FMO1: variants seen among roughly 807,000 people sequenced by gnomAD.
FMO1 encodes the protein flavin-containing monooxygenase 1.
Under a neutral mutation model 45.4 loss-of-function variants are expected in FMO1, and 36 were observed. That is an observed-to-expected ratio of 0.79 (90% CI 0.61 to 1.05). The LOEUF is 1.05. Among genes scored for constraint, FMO1 ranks in the 50% least tolerant of loss-of-function variants. The pLI, the probability that FMO1 is intolerant of heterozygous loss-of-function variation, is 0.00. For synonymous variants in FMO1, 228 were observed against 227.2 expected (o/e 1.00, Z -0.03); for missense variants, 615 against 640.3 (o/e 0.96, Z 0.43).
rs1661574141 is a variant in FMO1 at position 171,285,236 on chromosome 1, G to T, written c.1291G>T (p.Asp431Tyr). The part of the protein sequence containing the change: ...GLCYCKALQS[D>Y]YITYIDELLT... ...GTGCTACTGCAAGGCTTTACAATCAGATTATATCACATACATAGATGAACT... is the reference window on the plus strand; with the variant it reads ...GTGCTACTGCAAGGCTTTACAATCATATTATATCACATACATAGATGAACT... The change falls in exon 9 of 9, where the codon GAT becomes TAT. Residue 431 changes from aspartate to tyrosine, a missense_variant. By Grantham distance (160) the Asp-to-Tyr change is radical. Transcript: ENST00000617670. 3.7e-6 allele frequency: 6 copies of T among 1,612,918 alleles called. No homozygotes were observed. Among genetic ancestry groups the T allele is most frequent in the Non-Finnish European group, 5.1e-6 (6 of 1,179,502 alleles).
chr1:171,282,572 T>A, intron 7 of FMO1: 1 of 406,048 alleles, frequency 2.5e-6, no homozygotes, highest in Non-Finnish European at 4.4e-6. Flanking sequence ...ATATAACAGT[T>A]GACATAGGCT....
chr1:171,260,804 C>T (rs2101803754), intron 2 of FMO1, among the ~76,000 whole-genome samples: 1 of 149,586 alleles, frequency 6.7e-6, no homozygotes, highest in East Asian at 2.0e-4. Context: ...GTGGCATGCA[C>T]CTGTAATCCC....
chr1:171,284,866 T>A (rs1488929545), intron 8 of FMO1, among the ~76,000 whole-genome samples: 2 of 152,088 alleles, frequency 1.3e-5, no homozygotes, highest in Non-Finnish European at 2.9e-5. Flanking sequence ...AATCATTGGA[T>A]TTGTTATTAC....
At position 171,278,735 on chromosome 1, in the gene FMO1, A is replaced by G; in HGVS notation, c.491A>G (p.Asn164Ser). The G allele has an allele frequency of 1.2e-6, 2 of 1,602,044 alleles. No homozygotes were observed. Among genetic ancestry groups the G allele is most frequent in the Non-Finnish European group, 1.7e-6 (2 of 1,171,560 alleles). The change falls in exon 5 of 9, where the codon AAT (asparagine) becomes AGT (serine). Residue 164 changes from asparagine to serine, a missense_variant. Transcript: ENST00000617670. ...YLPLDSFPGI[N>S]AFKGQYFHSR... ...TCTCTTTTATTTTCTATAGGTATTA[A>G]TGCCTTTAAAGGCCAGTACTTTCAT...
chr1:171,266,727 A>T (rs1003098726), intron 2 of FMO1, among the ~76,000 whole-genome samples: 2 of 152,228 alleles, frequency 1.3e-5, no homozygotes, highest in Non-Finnish European at 2.9e-5. Flanking sequence ...TTTCACAGGA[A>T]AAATGAACTA....
At chr1:171,270,938 C>T (rs984399300) in intron 3 of FMO1, 8 of 821,150 alleles carry the variant, frequency 9.7e-6, no homozygotes, top group South Asian at 3.0e-5. Flanking sequence ...GAAAAAAAAC[C>T]GCTAGAACCA....
intron 1 of FMO1, among the ~76,000 whole-genome samples, chr1:171,252,352 G>C (rs1161266216): frequency 7.2e-5 from 11 of 152,144 alleles, no homozygotes; most frequent in Non-Finnish European, 1.6e-4. Context: ...GCCAGGGTGG[G>C]GGTTCAGACT....
chr1:171,269,591 C>A (rs2101820008), intron 3 of FMO1, among the ~76,000 whole-genome samples: 1 of 152,276 alleles, frequency 6.6e-6, no homozygotes, highest in African/African-American at 2.4e-5. Context: ...CACTCCATCA[C>A]AAAAGCGTGT....
At chr1:171,271,259 G>T in intron 3 of FMO1, 1 of 1,102,840 alleles carries the variant, frequency 9.1e-7, no homozygotes, top group Non-Finnish European at 1.3e-6. Flanking sequence ...TTAATTTTTG[G>T]GTGATACTCA....
chr1:171,270,259 G>C (rs1215161939), intron 3 of FMO1, among the ~76,000 whole-genome samples: 2 of 152,262 alleles, frequency 1.3e-5, no homozygotes, highest in Non-Finnish European at 2.9e-5. Context: ...AATGTAAGTG[G>C]GCTATGTGAA....
intron 1 of FMO1, among the ~76,000 whole-genome samples, chr1:171,250,144 AT>A (rs1427601290): frequency 1.3e-5 from 2 of 152,254 alleles, no homozygotes; most frequent in Non-Finnish European, 2.9e-5. Flanking sequence ...TTTTTATTTC[AT>A]TCTTAATCCC....
At chr1:171,269,369 A>C (rs1276264239) in intron 3 of FMO1, among the ~76,000 whole-genome samples, 1 of 152,176 alleles carries the variant, frequency 6.6e-6, no homozygotes. Context: ...TGAACAATAA[A>C]GTCCAGGCTG....
chr1:171,277,898 C>G (rs1336001782), intron 4 of FMO1, among the ~76,000 whole-genome samples: 2 of 152,054 alleles, frequency 1.3e-5, no homozygotes, highest in Non-Finnish European at 2.9e-5. Flanking sequence ...ATGTAGAGGT[C>G]TTATTACTTT....
chr1:171,254,820 T>G (rs1001259370), intron 1 of FMO1, among the ~76,000 whole-genome samples: 2 of 152,202 alleles, frequency 1.3e-5, no homozygotes, highest in Non-Finnish European at 2.9e-5. Flanking sequence ...TCGTCTGTGT[T>G]GTTTTCCTAC....
chr1:171,265,664 A>T (rs549188959), intron 2 of FMO1, among the ~76,000 whole-genome samples: 39 of 152,350 alleles, frequency 2.6e-4, no homozygotes, highest in Admixed American at 1.5e-3. Context: ...TTTTGTATGA[A>T]ATTGCAGTTC....
chr1:171,280,810 G>A lies in FMO1; in HGVS notation c.652G>A (p.Gly218Arg), dbSNP rs1373403105. 1.2e-6 allele frequency: 2 copies of A among 1,612,928 alleles called. No homozygotes were observed. Among genetic ancestry groups the A allele is most frequent in the Non-Finnish European group, 8.5e-7 (1 of 1,179,776 alleles). The change falls in exon 6 of 9, where the codon GGA becomes AGA. Residue 218 changes from glycine (G) to arginine (R), a missense_variant. Gly to Arg is a moderately radical substitution (Grantham distance 125, BLOSUM62 -2). Transcript: ENST00000617670. ...GGTGTTCCTCAGCACCACCGGAGGGGGATGGGTGATCAGCCGAATCTTTGA... is the reference window on the plus strand; with the variant it reads ...GGTGTTCCTCAGCACCACCGGAGGGAGATGGGTGATCAGCCGAATCTTTGA... ...EKVFLSTTGG[G>R]WVISRIFDSG...
intron 2 of FMO1, among the ~76,000 whole-genome samples, chr1:171,265,012 G>A (rs1046087742): frequency 6.6e-6 from 1 of 152,166 alleles, no homozygotes; most frequent in African/African-American, 2.4e-5. Context: ...ATTAAAAGGC[G>A]CTGAGCTACA....
At chr1:171,257,987 C>T in intron 1 of FMO1, 95 bp from the exon 2 acceptor site, 1 of 1,435,630 alleles carries the variant, frequency 7.0e-7, no homozygotes, top group Non-Finnish European at 9.7e-7. Flanking sequence ...GAGCAAATCG[C>T]CTAATCTTCC....
chr1:171,253,549 G>T (rs772866491), intron 1 of FMO1, among the ~76,000 whole-genome samples: 28 of 152,116 alleles, frequency 1.8e-4, no homozygotes, highest in Admixed American at 3.3e-4. Flanking sequence ...ATCACCTGAG[G>T]TCGGGAGTTC....
Sources: allele counts gnomAD v4.1 joint callset (sites outside exome capture counted in the v4.1 genomes callset), GRCh38; gene constraint gnomAD v4.1.1; transcripts MANE v1.5; gene names NCBI Gene and HGNC (gene_info 2026-07-23, HGNC 2026-07-21).